COL6A3: variants seen among roughly 807,000 people sequenced by gnomAD.
COL6A3 encodes the protein collagen type VI alpha 3 chain.
A neutral mutation model predicts 274.1 loss-of-function variants in COL6A3; 137 were observed. The observed-to-expected ratio is 0.50, with a 90% confidence interval of 0.44 to 0.58. The LOEUF (loss-of-function observed/expected upper bound fraction) is 0.58. Ranked by LOEUF, COL6A3 falls within the 20% of genes least tolerant of loss-of-function variation. The probability of loss-of-function intolerance (pLI) is 0.00; values close to 1 mark genes in which losing one functional copy is unlikely to be tolerated. For synonymous variants in COL6A3, 1,650 were observed against 1,650.6 expected (o/e 1.00, Z 0.01); for missense variants, 3,950 against 4,124.9 (o/e 0.96, Z 1.16).
chr2:237,334,381 A>T lies in COL6A3; in HGVS notation c.9229+245T>A, dbSNP rs76843818. 0.068 allele frequency among the ~76,000 whole-genome samples: 10,368 copies of T among 152,152 alleles called. 843 individuals are homozygous for T. Among genetic ancestry groups the T allele is most frequent in the African/African-American group, 0.19 (8,029 of 41,444 alleles). On this transcript the variant is annotated intron_variant, in intron 41 of 43. Coordinates refer to ENST00000295550, the MANE Select transcript of COL6A3 (RefSeq NM_004369.4). Reference sequence around the variant, plus strand: ...GGCGACGTGGATCTGGCTTCCTCCAAAAAGTAGCCCAGGACCCAGAGGGCA... The same window carrying T: ...GGCGACGTGGATCTGGCTTCCTCCATAAAGTAGCCCAGGACCCAGAGGGCA...
At position 237,396,834 on chromosome 2, in the gene COL6A3, C is replaced by A. The variant is rs748697726; in HGVS notation, c.-17G>T. Reference sequence around the variant, plus strand: ...TTTCCTCATTTTGAATTTGTCTAAGCACCAAATATGAACCTAAAAGAGAAA... The same window carrying A: ...TTTCCTCATTTTGAATTTGTCTAAGAACCAAATATGAACCTAAAAGAGAAA... On this transcript the variant is annotated 5_prime_UTR_variant, in exon 2 of 44. Transcript: ENST00000295550. 3.7e-6 allele frequency: 6 copies of A among 1,611,460 alleles called. No individual in the cohort carries two copies. The East Asian group carries it at 6.7e-5, about 18-fold the overall frequency.
chr2:237,412,309 C>T (rs2078877124), intron 1 of COL6A3, among the ~76,000 whole-genome samples: 1 of 152,236 alleles, frequency 6.6e-6, no homozygotes, highest in African/African-American at 2.4e-5. Flanking sequence ...CCGATGCCCC[C>T]GCCCCACGGT....
rs574294246 is a variant in COL6A3 at position 237,324,417 on chromosome 2, C to T, written c.*357G>A. 54 of 251,498 alleles carry T rather than the reference C, an allele frequency of 2.1e-4. No homozygotes were observed. Among genetic ancestry groups the T allele is most frequent in the South Asian group, 8.6e-4 (14 of 16,244 alleles). The allele number at this position is 251,498 out of a possible 1,614,324, so 15.6% of individuals were successfully genotyped here. A position where few individuals can be genotyped will look rare whatever the true frequency, so the allele number is the denominator to read the frequency against. The stretch of plus-strand genomic sequence containing the variant: ...ACCAAGCAAAAGTATATAGAGTAGC[C>T]GTGACATTTGCATTATTTTCTAGAC... On this transcript the variant is annotated 3_prime_UTR_variant, in exon 44 of 44. Transcript: ENST00000295550.
chr2:237,382,208 C>A (rs922879715), intron 4 of COL6A3, among the ~76,000 whole-genome samples: 4 of 152,026 alleles, frequency 2.6e-5, no homozygotes, highest in Non-Finnish European at 5.9e-5. Context: ...CAAGGGGAAA[C>A]CCCATCACTA....
rs1320546734 is a variant in COL6A3 at position 237,387,616 on chromosome 2, G to A, written c.1278C>T (p.His426=). Residue 426 remains histidine, a synonymous_variant, in exon 4 of 44, where the codon CAC becomes CAT. Coordinates refer to ENST00000295550, the MANE Select transcript of COL6A3 (RefSeq NM_004369.4). ...CAATGGTTGGCGGTTTCAAGACAAT[G>A]TGCCTTTGGGCCACGCCAACAATGT... ...LPYIVGVAQR[H]IVLKPPTIVT... is the part of the protein sequence containing the mutation. 3 of 1,613,896 alleles carry A rather than the reference G, an allele frequency of 1.9e-6. No homozygotes were observed. The South Asian group carries it at 3.3e-5, about 18-fold the overall frequency.
At position 237,324,950 on chromosome 2, in the gene COL6A3, CCACTTTTCTACT is replaced by C. The variant is rs1699861648; in HGVS notation, c.9494-148_9494-137del. ...CAGCCTCTGGTTTCCATCACCTGTC[CCACTTTTCTACT>C]CAGTACCATCAAAGGCCCTCTGTGA... On this transcript the variant is annotated intron_variant, in intron 43 of 43. Transcript: ENST00000295550. 3.2e-6 allele frequency: 3 copies of C among 945,116 alleles called. No homozygotes were observed. In the African/African-American group the frequency reaches 4.8e-5, roughly 15 times the overall value. 58.5% of individuals were successfully genotyped at this position (945,116 alleles called of 1,614,324 possible).
At chr2:237,331,683 A>G (rs948491622) in intron 42 of COL6A3, among the ~76,000 whole-genome samples, 7 of 151,566 alleles carry the variant, frequency 4.6e-5, no homozygotes, top group Non-Finnish European at 8.8e-5. Flanking sequence ...CATTAAGTTT[A>G]AGAGATCAGA....
chr2:237,347,764 C>T (rs191266243), intron 31 of COL6A3, 43 bp downstream of exon 31: 147 of 1,555,174 alleles, frequency 9.5e-5, no homozygotes, highest in Middle Eastern at 3.3e-4. Flanking sequence ...TTGAGACATA[C>T]GTTCTCATTC....
At position 237,360,099 on chromosome 2, in the gene COL6A3, T is replaced by C. The variant is rs1574976507; in HGVS notation, c.6271A>G (p.Arg2091Gly). The C allele has an allele frequency of 3.7e-6, 6 of 1,613,862 alleles. No homozygotes were observed. The East Asian group carries it at 1.3e-4, about 36-fold the overall frequency. Residue 2091 changes from arginine to glycine, a missense_variant, in exon 17 of 44, where the codon AGA (arginine) becomes GGA (glycine). Physicochemically the swap from Arg to Gly is moderately radical, Grantham distance 125 (BLOSUM62 -2). This residue lies in a region of COL6A3 where 92 missense variants were observed against 143.4 expected (regional missense o/e 0.64). Coordinates refer to ENST00000295550, the MANE Select transcript of COL6A3 (RefSeq NM_004369.4). The stretch of plus-strand genomic sequence containing the variant: ...CACCCACGCCTCACCTTTACTCCTC[T>C]CTGGCCCGGGCAGCCCTGGAAACCT... ...TQGFQGCPGQ[R>G]GVKGSRGFPG...
Position 237,381,451 on chromosome 2 carries a change from G to A in COL6A3, c.1361C>T (p.Ser454Phe), listed in dbSNP as rs1475465672. ...RDIVFLVDGSSALGLANFNAI... is the reference protein window; with the variant it reads ...RDIVFLVDGSFALGLANFNAI... ...ATTGAAGTTGGCCAGTCCCAGTGCAGATGAGCCATCCACCAGGAAGACTAT... is the reference window on the plus strand; with the variant it reads ...ATTGAAGTTGGCCAGTCCCAGTGCAAATGAGCCATCCACCAGGAAGACTAT... Residue 454 changes from serine to phenylalanine, a missense_variant, in exon 5 of 44, where the codon TCT becomes TTT. Ser to Phe is a radical substitution (Grantham distance 155, BLOSUM62 -2). This residue lies in a region of COL6A3 where 1,934 missense variants were observed against 1,984.3 expected (regional missense o/e 0.97). Coordinates refer to ENST00000295550, the MANE Select transcript of COL6A3 (RefSeq NM_004369.4). 6.2e-7 allele frequency: 1 copy of A among 1,609,330 alleles called. No homozygotes were observed. Among genetic ancestry groups the A allele is most frequent in the African/African-American group, 1.3e-5 (1 of 75,058 alleles).
intron 28 of COL6A3, among the ~76,000 whole-genome samples, chr2:237,348,938 CT>C (rs1473628611): frequency 6.6e-6 from 1 of 152,212 alleles, no homozygotes; most frequent in African/African-American, 2.4e-5. Flanking sequence ...GGTAAAGATT[CT>C]GTTTGGATGT....
Position 237,344,163 on chromosome 2 carries a change from C to T in COL6A3, c.7668+187G>A. The T allele has an allele frequency of 1.2e-6, 1 of 819,806 alleles. No individual in the cohort carries two copies. 50.8% of individuals were successfully genotyped at this position (819,806 alleles called of 1,614,324 possible). On this transcript the variant is annotated intron_variant, in intron 36 of 43. Transcript: ENST00000295550. This position sits in a 1 kb window ranked among gnomAD's most constrained non-coding sequence, Gnocchi z 4.8. ...GCAGTGCTACAAGCATGTAGGCGTC[C>T]CTGTAGTGCTGGAGCCACGAGGTTG...
At chr2:237,341,257 A>G in intron 37 of COL6A3, 107 bp from the exon 38 acceptor site, 1 of 1,187,702 alleles carries the variant, frequency 8.4e-7, no homozygotes, top group Non-Finnish European at 1.2e-6. Flanking sequence ...ACATAAGATC[A>G]AAAGCGGGCC....
chr2:237,373,325 C>T (rs1482988406), intron 8 of COL6A3, among the ~76,000 whole-genome samples: 1 of 152,154 alleles, frequency 6.6e-6, no homozygotes, highest in Non-Finnish European at 1.5e-5. Context: ...GGAAATGTTG[C>T]ATTTCCTTTC....
chr2:237,363,339 G>C lies in COL6A3; in HGVS notation c.5977C>G (p.His1993Asp). The C allele has an allele frequency of 6.2e-7, 1 of 1,614,102 alleles. No homozygotes were observed. The highest frequency in any genetic ancestry group is 1.3e-5 in the African/African-American group (1 of 75,026). Residue 1993 changes from histidine to aspartate, a missense_variant, in exon 14 of 44, where the codon CAT (histidine) becomes GAT (aspartate). Coordinates refer to ENST00000295550, the MANE Select transcript of COL6A3 (RefSeq NM_004369.4). ...ERVVNLERLM[H>D]LEFGRGFMYD... ...ATAAACCCTCGCCCAAACTCCAGAT[G>C]CATTAGCCGCTCCAAGTTGACCACT...
At position 237,368,969 on chromosome 2, in the gene COL6A3, C is replaced by T. The variant is rs374885393; in HGVS notation, c.4494G>A (p.Pro1498=). ...FYLKTYRSQA[P]VLDAIRRLRL... The stretch of plus-strand genomic sequence containing the variant: ...TCAGGCGCCGTATGGCGTCCAGCAC[C>T]GGGGCCTGGGATCTGTAGGTTTTCA... Residue 1498 remains proline, a synonymous_variant, in exon 10 of 44, where the codon CCG becomes CCA. Transcript: ENST00000295550. This position sits in a 1 kb window ranked among gnomAD's most constrained non-coding sequence, Gnocchi z 4.4. 64 of 1,614,206 alleles carry T rather than the reference C, an allele frequency of 4.0e-5. 1 individual carries two copies. The highest frequency in any genetic ancestry group is 3.3e-4 in the Middle Eastern group (2 of 6,062).
chr2:237,359,288 C>T (rs777402264), intron 18 of COL6A3, 38 bp from the exon 19 acceptor site: 1 of 1,614,102 alleles, frequency 6.2e-7, no homozygotes, highest in South Asian at 1.1e-5. Context: ...GTATAGAAAG[C>T]TATTCTGGCA....
chr2:237,341,267 C>T (rs574146501), intron 37 of COL6A3, 117 bp from the exon 38 acceptor site: 57 of 1,076,480 alleles, frequency 5.3e-5, no homozygotes, highest in Middle Eastern at 2.8e-4. Flanking sequence ...AAAAGCGGGC[C>T]GGAAGCGGTG....
At chr2:237,398,142 C>A (rs1189108090) in intron 1 of COL6A3, among the ~76,000 whole-genome samples, 1 of 152,238 alleles carries the variant, frequency 6.6e-6, no homozygotes, top group Non-Finnish European at 1.5e-5. Flanking sequence ...TGTCCATATT[C>A]TCTATTAATA....
Sources: gnomAD v4.1 joint callset for allele counts (sites outside exome capture counted in the v4.1 genomes callset) on GRCh38, gnomAD v4.1.1 for gene constraint, gnomAD v4.1.1 regional missense constraint, Gnocchi (gnomAD v3.1) non-coding constraint, MANE v1.5 for transcripts, NCBI Gene and HGNC (gene_info 2026-07-23, HGNC 2026-07-21) for gene names.